Variants in DLG2 observed in about 807,000 individuals in gnomAD.
DLG2 encodes the protein discs large MAGUK scaffold protein 2.
DLG2 carries 45 observed loss-of-function variants against 132.5 expected under a neutral mutation model. That is an observed-to-expected ratio of 0.34 (90% CI 0.27 to 0.44). The LOEUF (loss-of-function observed/expected upper bound fraction) is 0.44, where lower values mean the gene tolerates loss of function less well. DLG2 is among the 20% of genes least tolerant of loss of function. The pLI, the probability that DLG2 is intolerant of heterozygous loss-of-function variation, is 1.00. For synonymous variants in DLG2, 424 were observed against 419.6 expected (o/e 1.01, Z -0.13); for missense variants, 1,045 against 1,196.9 (o/e 0.87, Z 1.87).
chr11:84,130,597 A>G (rs1051034079), intron 9 of DLG2, among the ~76,000 whole-genome samples: 2 of 147,766 alleles, frequency 1.4e-5, no homozygotes, highest in African/African-American at 5.1e-5. Flanking sequence ...ACACACACAC[A>G]CATATAAAAA....
Position 84,149,655 on chromosome 11 carries a change from T to C in DLG2, c.624+13806A>G, listed in dbSNP as rs561092896. Among the ~76,000 whole-genome samples, 5 of 152,310 alleles carry C rather than the reference T, an allele frequency of 3.3e-5. No individual in the cohort carries two copies. In the East Asian group the frequency reaches 9.6e-4, roughly 29 times the overall value. ...AGTTGAAATCAGGTAATGTGATGCC[T>C]CCAGTTGTGTTCTTTTGCTTAGGAT... On this transcript the variant is annotated intron_variant, in intron 9 of 27. Coordinates refer to ENST00000376104, the MANE Select transcript of DLG2 (RefSeq NM_001142699.3).
chr11:83,503,008 A>G (rs992904590), intron 21 of DLG2, among the ~76,000 whole-genome samples: 1 of 152,062 alleles, frequency 6.6e-6, no homozygotes, highest in Non-Finnish European at 1.5e-5. Flanking sequence ...GCACATGAAT[A>G]ATCCAGGCAC....
chr11:85,221,055 T>G (rs1042814525), intron 4 of DLG2, among the ~76,000 whole-genome samples: 63 of 151,896 alleles, frequency 4.1e-4, no homozygotes, highest in Non-Finnish European at 7.8e-4. Flanking sequence ...TCTTTTTTTT[T>G]TTTTTGAGAC....
intron 19 of DLG2, among the ~76,000 whole-genome samples, chr11:83,570,708 CAG>C (rs1038790803): frequency 7.9e-5 from 12 of 152,060 alleles, no homozygotes; most frequent in African/African-American, 2.9e-4. Flanking sequence ...GAAAATGTCA[CAG>C]AATGCAGGGG....
intron 2 of DLG2, among the ~76,000 whole-genome samples, chr11:85,626,075 T>TA (rs2082015671): frequency 6.6e-6 from 1 of 152,252 alleles, no homozygotes; most frequent in East Asian, 1.9e-4. Flanking sequence ...AAAGTTGTGC[T>TA]TTATCACAAA....
chr11:83,968,007 C>G (rs1187934527), intron 12 of DLG2, among the ~76,000 whole-genome samples: 2 of 152,020 alleles, frequency 1.3e-5, no homozygotes, highest in Non-Finnish European at 2.9e-5. Flanking sequence ...TTTTCTTTGT[C>G]AAAACTTAGT....
At chr11:85,182,629 T>C (rs769294202) in intron 4 of DLG2, among the ~76,000 whole-genome samples, 4 of 151,588 alleles carry the variant, frequency 2.6e-5, no homozygotes, top group Middle Eastern at 3.4e-3. Flanking sequence ...GGTAGACTTA[T>C]GGGCACGCCT....
At chr11:83,996,620 G>A (rs993149929) in intron 11 of DLG2, among the ~76,000 whole-genome samples, 1 of 152,144 alleles carries the variant, frequency 6.6e-6, no homozygotes, top group African/African-American at 2.4e-5. Flanking sequence ...CATACACAAT[G>A]GAGAACTATT....
intron 4 of DLG2, among the ~76,000 whole-genome samples, chr11:85,202,695 T>G (rs2081557702): frequency 1.3e-5 from 2 of 152,094 alleles, no homozygotes; most frequent in South Asian, 4.1e-4. Context: ...ATATTAAGTC[T>G]CTTTTCTGAC....
At chr11:84,619,077 T>G (rs542820305) in intron 6 of DLG2, among the ~76,000 whole-genome samples, 156 of 151,980 alleles carry the variant, frequency 1.0e-3, no homozygotes, top group African/African-American at 3.7e-3. Flanking sequence ...ATCCAATAAT[T>G]ACAGAACACA....
intron 17 of DLG2, among the ~76,000 whole-genome samples, chr11:83,832,888 A>AT (rs1242429361): frequency 2.0e-5 from 3 of 152,182 alleles, no homozygotes; most frequent in Non-Finnish European, 4.4e-5. Flanking sequence ...TATCTTATGC[A>AT]TTTTTTTGTT....
chr11:84,060,210 G>A (rs1043891641), intron 10 of DLG2, among the ~76,000 whole-genome samples: 1 of 152,064 alleles, frequency 6.6e-6, no homozygotes, highest in African/African-American at 2.4e-5. Flanking sequence ...TACTTGGGAG[G>A]CTGAGAAAAG....
intron 9 of DLG2, among the ~76,000 whole-genome samples, chr11:84,135,289 C>A (rs1285614359): frequency 6.6e-6 from 1 of 152,002 alleles, no homozygotes; most frequent in Non-Finnish European, 1.5e-5. Context: ...AATTTTCACC[C>A]ATAAATGGCT....
chr11:85,573,916 C>T (rs2077993791), intron 3 of DLG2, among the ~76,000 whole-genome samples: 1 of 152,022 alleles, frequency 6.6e-6, no homozygotes, highest in African/African-American at 2.4e-5. Context: ...AATTGAATCA[C>T]ATATTGCTAC....
intron 17 of DLG2, among the ~76,000 whole-genome samples, chr11:83,825,495 CT>C (rs999526241): frequency 6.6e-6 from 1 of 151,962 alleles, no homozygotes; most frequent in African/African-American, 2.4e-5. Context: ...TACTGCTTTT[CT>C]TTAACATATA....
intron 2 of DLG2, among the ~76,000 whole-genome samples, chr11:85,614,553 C>G (rs1022046123): frequency 1.3e-5 from 2 of 152,128 alleles, no homozygotes; most frequent in African/African-American, 4.8e-5. Context: ...GGCAGAAGAA[C>G]AGCTTGAACT....
Position 84,162,403 on chromosome 11 carries a change from A to G in DLG2, c.624+1058T>C, listed in dbSNP as rs149950515. On this transcript the variant is annotated intron_variant, in intron 9 of 27. Transcript: ENST00000376104. The stretch of plus-strand genomic sequence containing the variant: ...ACTTAATTTTTAATTTAATAATATA[A>G]TCTAGGTAGACCTTCTATCCTTGCA... 9.9e-3 allele frequency among the ~76,000 whole-genome samples: 1,509 copies of G among 151,954 alleles called. 14 individuals are homozygous for G. The highest frequency in any genetic ancestry group is 0.016 in the Non-Finnish European group (1,093 of 67,910).
intron 10 of DLG2, among the ~76,000 whole-genome samples, chr11:84,093,232 T>A (rs2097121927): frequency 6.6e-6 from 1 of 152,154 alleles, no homozygotes; most frequent in African/African-American, 2.4e-5. Context: ...ATCTCAAGGT[T>A]CAGGGTCTTC....
intron 15 of DLG2, among the ~76,000 whole-genome samples, chr11:83,881,254 G>C (rs952447552): frequency 6.6e-6 from 1 of 152,076 alleles, no homozygotes; most frequent in Non-Finnish European, 1.5e-5. Context: ...TTATTGCTAA[G>C]CTTAGAGTCC....
Sources: gnomAD v4.1 joint callset for allele counts (sites outside exome capture counted in the v4.1 genomes callset) on GRCh38, gnomAD v4.1.1 for gene constraint, MANE v1.5 for transcripts, NCBI Gene and HGNC (gene_info 2026-07-23, HGNC 2026-07-21) for gene names.